The following ADGRL3 variants were observed in gnomAD, a reference collection of about 807,000 sequenced individuals.
ADGRL3 encodes the protein calcium-independent alpha-latrotoxin receptor 3.
Under a neutral mutation model 153.5 loss-of-function variants are expected in ADGRL3, and 62 were observed. That is an observed-to-expected ratio of 0.40 (90% CI 0.33 to 0.50). ADGRL3 has a LOEUF of 0.50. ADGRL3 is among the 20% of genes least tolerant of loss of function. The pLI, the probability that ADGRL3 is intolerant of heterozygous loss-of-function variation, is 0.47. For synonymous variants in ADGRL3, 710 were observed against 672.5 expected (o/e 1.06, Z -0.86); for missense variants, 1,641 against 1,859.4 (o/e 0.88, Z 2.16).
intron 8 of ADGRL3, among the ~76,000 whole-genome samples, chr4:61,773,514 G>A (rs1022905596): frequency 9.9e-5 from 15 of 151,996 alleles, no homozygotes; most frequent in East Asian, 9.6e-4. Context: ...TCACTTTTCC[G>A]AAAAGTAAAA....
intron 2 of ADGRL3, among the ~76,000 whole-genome samples, chr4:61,393,827 T>C (rs1337996713): frequency 1.3e-5 from 2 of 152,074 alleles, no homozygotes; most frequent in African/African-American, 4.8e-5. Flanking sequence ...AAATAAATCA[T>C]TTATTTAGTA....
chr4:61,735,431 A>T (rs1025244646), intron 8 of ADGRL3, among the ~76,000 whole-genome samples: 4 of 152,200 alleles, frequency 2.6e-5, no homozygotes, highest in Non-Finnish European at 5.9e-5. Context: ...CTCCTAGACC[A>T]ACTCTATTGT....
intron 6 of ADGRL3, among the ~76,000 whole-genome samples, chr4:61,698,034 G>A (rs548834278): frequency 2.0e-5 from 3 of 152,226 alleles, no homozygotes; most frequent in Admixed American, 6.5e-5. Context: ...AGCCATGGAA[G>A]AGAATGTAAC....
chr4:61,658,264 C>T (rs934073818), intron 5 of ADGRL3, among the ~76,000 whole-genome samples: 1 of 152,056 alleles, frequency 6.6e-6, no homozygotes, highest in Non-Finnish European at 1.5e-5. Context: ...GCTCCTTAAG[C>T]CTTCAGGCCT....
At chr4:61,224,731 C>A (rs561005121) in intron 1 of ADGRL3, among the ~76,000 whole-genome samples, 1 of 152,190 alleles carries the variant, frequency 6.6e-6, no homozygotes, top group Non-Finnish European at 1.5e-5. Flanking sequence ...ACATGCTACT[C>A]TAGGCTCTTA....
intron 17 of ADGRL3, among the ~76,000 whole-genome samples, chr4:61,972,600 C>T (rs1383103916): frequency 6.6e-6 from 1 of 152,116 alleles, no homozygotes; most frequent in Non-Finnish European, 1.5e-5. Context: ...GTGATGCCTC[C>T]AGCTTTGTTC....
intron 9 of ADGRL3, among the ~76,000 whole-genome samples, chr4:61,859,146 G>A (rs2098313381): frequency 6.6e-6 from 1 of 152,090 alleles, no homozygotes. Context: ...TCAGTGCTTG[G>A]TGTAATTGTA....
intron 19 of ADGRL3, among the ~76,000 whole-genome samples, chr4:61,987,650 G>A (rs912030818): frequency 9.2e-5 from 14 of 152,002 alleles, no homozygotes; most frequent in Admixed American, 2.0e-4. Context: ...AGTGTAGTTA[G>A]CCAGAAATCA....
At chr4:61,260,068 T>C (rs903532177) in intron 1 of ADGRL3, among the ~76,000 whole-genome samples, 5 of 152,176 alleles carry the variant, frequency 3.3e-5, no homozygotes, top group Non-Finnish European at 7.3e-5. Context: ...AAATATATGA[T>C]AAACATGCTA....
Position 61,326,904 on chromosome 4 carries a change from G to A in ADGRL3, c.-239-56220G>A, listed in dbSNP as rs183529401. The stretch of plus-strand genomic sequence containing the variant: ...TTCTTGGCTATCATTGATGCTAAGA[G>A]TTATTATGGTCCACAATATAAATAT... On this transcript the variant is annotated intron_variant, in intron 1 of 26. Coordinates refer to ENST00000683033, the MANE Select transcript of ADGRL3 (RefSeq NM_001387552.1). 7.9e-4 allele frequency among the ~76,000 whole-genome samples: 120 copies of A among 151,942 alleles called. No homozygotes were observed. In the Middle Eastern group the frequency reaches 0.01, roughly 13 times the overall value.
chr4:61,372,033 G>A (rs2096537794), intron 1 of ADGRL3, among the ~76,000 whole-genome samples: 2 of 152,054 alleles, frequency 1.3e-5, no homozygotes, highest in African/African-American at 2.4e-5. Context: ...GGCTCCTGAG[G>A]CTTCTGCATT....
chr4:61,702,993 G>A (rs2095795472), intron 6 of ADGRL3, among the ~76,000 whole-genome samples: 1 of 152,040 alleles, frequency 6.6e-6, no homozygotes, highest in African/African-American at 2.4e-5. Flanking sequence ...AATCTTGCTT[G>A]TGTCTTAATT....
At chr4:61,291,315 G>C (rs1346254029) in intron 1 of ADGRL3, among the ~76,000 whole-genome samples, 2 of 150,842 alleles carry the variant, frequency 1.3e-5, no homozygotes, top group Non-Finnish European at 1.5e-5. Flanking sequence ...GAAAATAACT[G>C]TACAATGATA....
chr4:61,643,562 T>A (rs1473550770), intron 5 of ADGRL3, among the ~76,000 whole-genome samples: 1 of 151,610 alleles, frequency 6.6e-6, no homozygotes, highest in Non-Finnish European at 1.5e-5. Context: ...GGTTTTTGTC[T>A]TTGGTTCTGT....
At chr4:61,426,477 A>G (rs548915121) in intron 2 of ADGRL3, among the ~76,000 whole-genome samples, 8 of 152,256 alleles carry the variant, frequency 5.3e-5, no homozygotes, top group African/African-American at 1.9e-4. Context: ...CAGAGTCAGC[A>G]GTACAGTTAT....
chr4:61,417,128 C>A (rs904570099), intron 2 of ADGRL3, among the ~76,000 whole-genome samples: 3 of 152,130 alleles, frequency 2.0e-5, no homozygotes, highest in Admixed American at 1.3e-4. Context: ...TCACCTCCTG[C>A]TGTGCATCCG....
chr4:61,781,829 T>A (rs975589747), intron 8 of ADGRL3, among the ~76,000 whole-genome samples: 2 of 152,166 alleles, frequency 1.3e-5, no homozygotes, highest in Admixed American at 1.3e-4. Flanking sequence ...CTAATAGCCA[T>A]CATGATTACC....
At chr4:61,491,068 C>T (rs1370077404) in intron 2 of ADGRL3, among the ~76,000 whole-genome samples, 1 of 151,994 alleles carries the variant, frequency 6.6e-6, no homozygotes, top group South Asian at 2.1e-4. Flanking sequence ...ATGGAAAGAA[C>T]CTGTGTTATA....
At chr4:61,488,232 T>C (rs2098218897) in intron 2 of ADGRL3, among the ~76,000 whole-genome samples, 1 of 152,012 alleles carries the variant, frequency 6.6e-6, no homozygotes, top group Non-Finnish European at 1.5e-5. Context: ...GCTAGAAAAG[T>C]TTCCTATTAA....
Sources: gnomAD v4.1 joint callset for allele counts (sites outside exome capture counted in the v4.1 genomes callset) on GRCh38, gnomAD v4.1.1 for gene constraint, MANE v1.5 for transcripts, NCBI Gene and HGNC (gene_info 2026-07-23, HGNC 2026-07-21) for gene names.